USP10: variants seen among roughly 807,000 people sequenced by gnomAD.
USP10 encodes the protein ubiquitin specific peptidase 10.
Under a neutral mutation model 84.5 loss-of-function variants are expected in USP10, and 22 were observed. That is an observed-to-expected ratio of 0.26 (90% CI 0.19 to 0.37). The LOEUF is 0.37. Ranked by LOEUF, USP10 falls within the 10% of genes least tolerant of loss-of-function variation. The pLI is 1.00. For missense variants in USP10, 1,019 were observed against 998.9 expected, an observed-to-expected ratio of 1.02 and a Z score of -0.27; for synonymous variants, 454 against 387.6, an observed-to-expected ratio of 1.17 and a Z score of -2.01.
Position 84,779,181 on chromosome 16 carries a change from C to G in USP10, c.*99C>G. 4.3e-6 allele frequency: 6 copies of G among 1,406,994 alleles called. No individual in the cohort carries two copies. Among genetic ancestry groups the G allele is most frequent in the South Asian group, 1.5e-5 (1 of 68,834 alleles). 87.2% of individuals were successfully genotyped at this position (1,406,994 alleles called of 1,614,324 possible). A position where few individuals can be genotyped will look rare whatever the true frequency, so the allele number is the denominator to read the frequency against. On this transcript the variant is annotated 3_prime_UTR_variant, in exon 14 of 14. Coordinates refer to ENST00000219473, the MANE Select transcript of USP10 (RefSeq NM_005153.3). ...TTTAGTGGCTCTTTAGAGAGAAACT[C>G]TTTCTCCCTTTGCAAAAATGGGCTA...
At chr16:84,763,138 C>T (rs1913403762) in intron 9 of USP10, 50 bp downstream of exon 9, 1 of 1,220,336 alleles carries the variant, frequency 8.2e-7, no homozygotes, top group South Asian at 1.3e-5. Context: ...TCGCTGTAAA[C>T]AGGTGTTGCA....
intron 1 of USP10, among the ~76,000 whole-genome samples, chr16:84,721,355 ATTC>A (rs1479081984): frequency 6.6e-6 from 1 of 152,338 alleles, no homozygotes; most frequent in East Asian, 1.9e-4. Context: ...CTGAGGAATT[ATTC>A]TTCTGTAAAT....
intron 1 of USP10, chr16:84,733,020 C>A (rs974166749): frequency 9.1e-6 from 4 of 437,436 alleles, no homozygotes; most frequent in African/African-American, 8.2e-5. Context: ...TCCTTGTCTT[C>A]CCATTTGAAC....
In USP10 at chr16:84,759,204, G is replaced by A. The variant is rs543797917; in HGVS notation, c.1285-159G>A. The A allele has an allele frequency of 7.2e-5, 49 of 677,678 alleles. No individual in the cohort carries two copies. The South Asian group carries it at 8.3e-4, about 11-fold the overall frequency. The allele number at this position is 677,678 out of a possible 1,614,324, so 42.0% of individuals were successfully genotyped here. ...TGGACATCACAGGACACTTACCCTA[G>A]TAACTATTTGGTTTATTCCTTTTCG... On this transcript the variant is annotated intron_variant, in intron 5 of 13. Transcript: ENST00000219473.
chr16:84,717,997 A>C (rs1385427965), intron 1 of USP10, among the ~76,000 whole-genome samples: 1 of 152,224 alleles, frequency 6.6e-6, no homozygotes, highest in Non-Finnish European at 1.5e-5. Flanking sequence ...TGGTATTTTC[A>C]AAGTTCCTTA....
chr16:84,737,597 A>C (rs1910097741), intron 2 of USP10, among the ~76,000 whole-genome samples: 1 of 152,204 alleles, frequency 6.6e-6, no homozygotes, highest in Non-Finnish European at 1.5e-5. Context: ...AATCAAAGTA[A>C]GTGTGTTGAG....
chr16:84,772,829 A>C (rs1914598376), intron 12 of USP10, 144 bp downstream of exon 12: 1 of 1,107,192 alleles, frequency 9.0e-7, no homozygotes, highest in East Asian at 2.6e-5. Flanking sequence ...CTTGACTTGT[A>C]ATAGACCTTA....
intron 1 of USP10, among the ~76,000 whole-genome samples, chr16:84,719,677 A>G (rs1359210318): frequency 6.6e-6 from 1 of 152,256 alleles, no homozygotes; most frequent in Non-Finnish European, 1.5e-5. Flanking sequence ...CTTCTAGTGT[A>G]TGTAGGTCCC....
intron 4 of USP10, among the ~76,000 whole-genome samples, chr16:84,750,782 G>A (rs1911837288): frequency 6.6e-6 from 1 of 152,146 alleles, no homozygotes; most frequent in African/African-American, 2.4e-5. Flanking sequence ...CCAACTGCCC[G>A]ATAAGTTAAA....
intron 4 of USP10, among the ~76,000 whole-genome samples, chr16:84,753,286 G>A (rs1265708556): frequency 6.6e-6 from 1 of 152,120 alleles, no homozygotes; most frequent in Non-Finnish European, 1.5e-5. Flanking sequence ...TCTTTAATAT[G>A]TCAAGATGTT....
intron 8 of USP10, among the ~76,000 whole-genome samples, chr16:84,760,720 C>G (rs1047054530): frequency 1.3e-5 from 2 of 151,996 alleles, no homozygotes; most frequent in African/African-American, 2.4e-5. Flanking sequence ...ATTCCTTTAC[C>G]TAATTTTTTT....
chr16:84,770,598 C>G (rs997418093), intron 11 of USP10, among the ~76,000 whole-genome samples: 4 of 151,878 alleles, frequency 2.6e-5, no homozygotes, highest in African/African-American at 9.7e-5. Flanking sequence ...CGGTGAAACC[C>G]CGTCTCTACT....
chr16:84,754,385 T>A (rs561260355), intron 4 of USP10, among the ~76,000 whole-genome samples: 71 of 152,302 alleles, frequency 4.7e-4, no homozygotes, highest in African/African-American at 1.7e-3. Context: ...AGGTTTATTC[T>A]GCGTTTAACG....
At chr16:84,765,385 T>C (rs954036768) in intron 10 of USP10, among the ~76,000 whole-genome samples, 3 of 152,124 alleles carry the variant, frequency 2.0e-5, no homozygotes, top group African/African-American at 7.2e-5. Flanking sequence ...TGTTCGCCTG[T>C]GTGGCTGCCC....
intron 2 of USP10, among the ~76,000 whole-genome samples, chr16:84,736,582 C>T (rs899679906): frequency 6.6e-6 from 1 of 152,202 alleles, no homozygotes; most frequent in African/African-American, 2.4e-5. Context: ...AAACCTCAGT[C>T]GTAATCCTGT....
At chr16:84,757,856 T>TA (rs1912767515) in intron 4 of USP10, among the ~76,000 whole-genome samples, 1 of 152,206 alleles carries the variant, frequency 6.6e-6, no homozygotes, top group Non-Finnish European at 1.5e-5. Context: ...AAAGTGGTGG[T>TA]ACTCCTAGAT....
chr16:84,735,196 G>GT (rs1555541026), intron 2 of USP10, among the ~76,000 whole-genome samples: 21 of 146,378 alleles, frequency 1.4e-4, no homozygotes, highest in Non-Finnish European at 2.9e-4. Flanking sequence ...AGGCCCGGGT[G>GT]GTGTGTGTGT....
At chr16:84,732,920 C>T (rs1438281207) in intron 1 of USP10, 4 of 369,844 alleles carry the variant, frequency 1.1e-5, no homozygotes, top group Admixed American at 3.7e-5. Context: ...ATCTGTGTAT[C>T]CTATGGAAAT....
intron 13 of USP10, among the ~76,000 whole-genome samples, chr16:84,777,274 C>A (rs140279221): frequency 2.8e-4 from 42 of 152,296 alleles, no homozygotes; most frequent in African/African-American, 9.9e-4. Flanking sequence ...GACATGCAGT[C>A]CCCCTTGACA....
Sources: allele counts gnomAD v4.1 joint callset (sites outside exome capture counted in the v4.1 genomes callset), GRCh38; gene constraint gnomAD v4.1.1; transcripts MANE v1.5; gene names NCBI Gene and HGNC (gene_info 2026-07-23, HGNC 2026-07-21).